Variants in ATM observed in about 807,000 individuals in gnomAD.
ATM encodes the protein ATM serine/threonine kinase, also known as serine-protein kinase ATM.
A neutral mutation model predicts 387.0 loss-of-function variants in ATM; 308 were observed. The ratio of observed to expected loss-of-function variants is 0.80; its 90% CI spans 0.73 to 0.87. The LOEUF (loss-of-function observed/expected upper bound fraction) is 0.87, where lower values mean the gene tolerates loss of function less well. Among genes scored for constraint, ATM ranks in the 40% least tolerant of loss-of-function variants. The pLI is 0.00. For synonymous variants in ATM, 1,156 were observed against 1,187.3 expected (o/e 0.97, Z 0.54); for missense variants, 3,312 against 3,560.9 (o/e 0.93, Z 1.78).
Position 108,367,411 on chromosome 11 carries a change from G to A in ATM, c.*1903G>A, listed in dbSNP as rs193021589. On this transcript the variant is annotated 3_prime_UTR_variant, in exon 63 of 63. Coordinates refer to ENST00000675843, the MANE Select transcript of ATM (RefSeq NM_000051.4). The stretch of plus-strand genomic sequence containing the variant: ...TGTTCTGTTGGAAGGGAAGGGCTTA[G>A]GTATCTAGTTTGATACATAGGTAGA... The A allele has an allele frequency of 2.0e-3, 390 of 198,596 alleles. 2 individuals are homozygous for A. Among genetic ancestry groups the A allele is most frequent in the African/African-American group, 8.6e-3 (372 of 43,476 alleles). 12.3% of individuals were successfully genotyped at this position (198,596 alleles called of 1,614,324 possible). A position where few individuals can be genotyped will look rare whatever the true frequency, so the allele number is the denominator to read the frequency against.
rs1591760248 is a variant in ATM, at chr11:108,312,719, A to G, written c.6006+221A>G. Among the ~76,000 whole-genome samples the G allele has an allele frequency of 2.0e-5, 3 of 152,180 alleles. No homozygotes were observed. The East Asian group carries it at 5.8e-4, about 29-fold the overall frequency. On this transcript the variant is annotated intron_variant, in intron 40 of 62. Coordinates refer to ENST00000675843, the MANE Select transcript of ATM (RefSeq NM_000051.4). ...ACTTCTTGAGTTCCTTATCTGAAAG[A>G]CGAAGGTAAAACCACCTGTCTCAGA... is the stretch of plus-strand genomic sequence containing the variant.
chr11:108,258,348 A>G (rs1335779024), intron 15 of ATM, among the ~76,000 whole-genome samples: 9 of 152,246 alleles, frequency 5.9e-5, no homozygotes, highest in Admixed American at 5.9e-4. Flanking sequence ...ACTTTTATAT[A>G]CAACCATATA....
chr11:108,324,222 A>C (rs1745161175), intron 45 of ATM, among the ~76,000 whole-genome samples: 2 of 152,140 alleles, frequency 1.3e-5, no homozygotes, highest in African/African-American at 4.8e-5. Context: ...TAATAAAAGC[A>C]CAATCTAGAG....
In ATM at chr11:108,268,594, C is replaced by G. The variant is rs750504746; in HGVS notation, c.2823C>G (p.Ser941=). Residue 941 remains serine (S), a synonymous_variant, in exon 18 of 63, where the codon TCC becomes TCG. Transcript: ENST00000675843. ...CTAGCACGCTAGAACCTACCAAATC[C>G]CTCCACCTGCATATGGTGAGTTACG... ...IDSSTLEPTK[S]LHLHMYLMLL... 1 of 1,613,930 alleles carries G rather than the reference C, an allele frequency of 6.2e-7. No homozygotes were observed. Among genetic ancestry groups the G allele is most frequent in the Non-Finnish European group, 8.5e-7 (1 of 1,179,972 alleles).
intron 37 of ATM, among the ~76,000 whole-genome samples, chr11:108,307,223 C>T (rs2083762348): frequency 6.6e-6 from 1 of 151,530 alleles, no homozygotes; most frequent in Non-Finnish European, 1.5e-5. Flanking sequence ...AATCTCGGCT[C>T]ACTGCAACCT....
rs1167958743 is a variant in ATM at position 108,280,531 on chromosome 11, G to A, written c.3403-464G>A. Among the ~76,000 whole-genome samples the A allele has an allele frequency of 2.6e-5, 4 of 152,222 alleles. No individual in the cohort carries two copies. In the South Asian group the frequency reaches 6.2e-4, roughly 24 times the overall value. On this transcript the variant is annotated intron_variant, in intron 23 of 62. Transcript: ENST00000675843. ...GGGTACATAGTAGGGGTGTGTGTGT[G>A]TGTGTGATACGGGTATACAATGTGA...
rs587782719 is a variant in ATM, at chr11:108,335,080, G to A, written c.8122G>A (p.Asp2708Asn). The A allele has an allele frequency of 8.7e-6, 14 of 1,613,996 alleles. No homozygotes were observed. The highest frequency in any genetic ancestry group is 4.5e-5 in the East Asian group (2 of 44,876). The change falls in exon 55 of 63, where the codon GAT (aspartate) becomes AAT (asparagine). Residue 2708 changes from aspartate (D) to asparagine (N), a missense_variant. This residue lies in a region of ATM where 1,405 missense variants were observed against 1,604.4 expected (regional missense o/e 0.88). Transcript: ENST00000675843. ...AAAAATAATAGATTGTGTAGGTTCC[G>A]ATGGCAAGGAGAGGAGACAGCTTGT... ...LPKIIDCVGS[D>N]GKERRQLVKG...
At chr11:108,240,297 C>A (rs1002140362) in intron 5 of ATM, among the ~76,000 whole-genome samples, 1 of 152,054 alleles carries the variant, frequency 6.6e-6, no homozygotes, top group African/African-American at 2.4e-5. Context: ...TCAGAAAAAT[C>A]CTCTGTGCTT....
chr11:108,361,371 C>T (rs2090728090), intron 61 of ATM, among the ~76,000 whole-genome samples: 2 of 150,960 alleles, frequency 1.3e-5, no homozygotes, highest in African/African-American at 4.9e-5. Context: ...GGCCATACTG[C>T]CCAAGGTAAT....
intron 1 of ATM, chr11:108,223,477 T>A (rs1404359585): frequency 6.6e-6 from 1 of 152,220 alleles, no homozygotes; most frequent in East Asian, 1.9e-4. Flanking sequence ...CATCTTTTGA[T>A]CTCTCTCTCG....
At chr11:108,301,914 A>C in intron 35 of ATM, 125 bp downstream of exon 35, 1 of 1,061,232 alleles carries the variant, frequency 9.4e-7, no homozygotes, top group Non-Finnish European at 1.4e-6. Flanking sequence ...TCCTATAAGT[A>C]ATTTAAGCCA....
In ATM at chr11:108,276,800, G is replaced by A. The variant is rs143017939; in HGVS notation, c.3285-2691G>A. Among the ~76,000 whole-genome samples, 1,226 of 152,200 alleles carry A rather than the reference G, an allele frequency of 8.1e-3. 8 individuals carry two copies. Among genetic ancestry groups the A allele is most frequent in the African/African-American group, 0.025 (1,050 of 41,530 alleles). ...AGCTCTTCTGTATGAGGTGTCTGTC[G>A]ACCCCTGCTGGGAGGTGTCTCCCAG... On this transcript the variant is annotated intron_variant, in intron 22 of 62. Coordinates refer to ENST00000675843, the MANE Select transcript of ATM (RefSeq NM_000051.4).
rs786203502 is a variant in ATM, at chr11:108,244,820, T to G, written c.695T>G (p.Ile232Ser). The change falls in exon 7 of 63, where the codon ATC (isoleucine) becomes AGC (serine). Residue 232 changes from isoleucine (I) to serine (S), a missense_variant. Around this residue, in one of 4 missense-constraint regions of ATM, gnomAD observed 1,791 missense variants for 1,804.5 expected, o/e 0.99. Coordinates refer to ENST00000675843, the MANE Select transcript of ATM (RefSeq NM_000051.4). ...QEKSSSGLNH[I>S]LAALTIFLKT... Reference sequence around the variant, plus strand: ...AAGAGCTCTTCAGGTCTAAATCATATCTTAGCAGCTCTTACTATCTTCCTC... The same window carrying G: ...AAGAGCTCTTCAGGTCTAAATCATAGCTTAGCAGCTCTTACTATCTTCCTC... The G allele has an allele frequency of 1.9e-6, 3 of 1,613,872 alleles. No individual in the cohort carries two copies. The highest frequency in any genetic ancestry group is 2.5e-6 in the Non-Finnish European group (3 of 1,179,912).
chr11:108,329,320 C>A, intron 49 of ATM, 82 bp downstream of exon 49: 1 of 1,244,974 alleles, frequency 8.0e-7, no homozygotes, highest in Non-Finnish European at 1.2e-6. Flanking sequence ...GTGACTTGGT[C>A]TTTTTATCTG....
rs1452223973 is a variant in ATM, at chr11:108,335,826, A to G, written c.8152-19A>G. The stretch of plus-strand genomic sequence containing the variant: ...TAAAATAAACTGTACTTGTTTATTC[A>G]TGCTTAATTATTCTGAAGGGCCGTG... On this transcript the variant is annotated intron_variant, in intron 55 of 62. Coordinates refer to ENST00000675843, the MANE Select transcript of ATM (RefSeq NM_000051.4). 1.3e-6 allele frequency: 2 copies of G among 1,591,444 alleles called. No individual in the cohort carries two copies. The highest frequency in any genetic ancestry group is 1.1e-5 in the South Asian group (1 of 90,490).
intron 33 of ATM, among the ~76,000 whole-genome samples, chr11:108,298,902 T>C (rs1437332757): frequency 6.6e-6 from 1 of 152,120 alleles, no homozygotes; most frequent in African/African-American, 2.4e-5. Flanking sequence ...CAGTGCACAA[T>C]CCAGAAAGAA....
chr11:108,325,143 T>C (rs2136300728), intron 45 of ATM, among the ~76,000 whole-genome samples, 167 bp from the exon 46 acceptor site: 1 of 152,264 alleles, frequency 6.6e-6, no homozygotes, highest in East Asian at 1.9e-4. Context: ...TGTAGTTTTC[T>C]AAATTTTGAT....
At chr11:108,330,444 T>C in intron 50 of ATM, 23 bp downstream of exon 50, 1 of 1,611,784 alleles carries the variant, frequency 6.2e-7, no homozygotes, top group Non-Finnish European at 8.5e-7. Context: ...CAGCCCAATA[T>C]TCTACCCTGT....
chr11:108,300,665 T>G (rs1009808019), intron 34 of ATM, among the ~76,000 whole-genome samples: 1 of 152,206 alleles, frequency 6.6e-6, no homozygotes, highest in African/African-American at 2.4e-5. Flanking sequence ...ATTTCTTTCT[T>G]TTGTTGTTGT....
Sources: gnomAD v4.1 joint callset for allele counts (sites outside exome capture counted in the v4.1 genomes callset) on GRCh38, gnomAD v4.1.1 for gene constraint, gnomAD v4.1.1 regional missense constraint, MANE v1.5 for transcripts, NCBI Gene and HGNC (gene_info 2026-07-23, HGNC 2026-07-21) for gene names.